The following ZIM2 variants were observed in gnomAD, a reference collection of about 807,000 sequenced individuals.
ZIM2 encodes zinc finger imprinted 2, also known as zinc finger protein 656.
Under a neutral mutation model 38.6 loss-of-function variants are expected in ZIM2, and 14 were observed. The ratio of observed to expected loss-of-function variants is 0.36; its 90% confidence interval spans 0.24 to 0.57. ZIM2 has a LOEUF of 0.57. Ranked by LOEUF, ZIM2 falls within the 20% of genes least tolerant of loss-of-function variation. The pLI, the probability that ZIM2 is intolerant of heterozygous loss-of-function variation, is 0.81. For synonymous variants in ZIM2, 247 were observed against 245.8 expected, an observed-to-expected ratio of 1.00 and a Z score of -0.04; for missense variants, 680 against 695.1, an observed-to-expected ratio of 0.98 and a Z score of 0.24.
chr19:56,796,042 A>T (rs1347170632), intron 9 of ZIM2, among the ~76,000 whole-genome samples: 1 of 152,186 alleles, frequency 6.6e-6, no homozygotes, highest in African/African-American at 2.4e-5. Context: ...TTTTACCCCC[A>T]AAACATACGT....
chr19:56,825,418 C>G (rs984327142), intron 3 of ZIM2, among the ~76,000 whole-genome samples: 2 of 152,242 alleles, frequency 1.3e-5, no homozygotes, highest in Non-Finnish European at 2.9e-5. Context: ...TCTAATCTGT[C>G]TAAAAGAACC....
rs146726213 is a variant in ZIM2, at chr19:56,775,370, G to A, written c.995C>T (p.Pro332Leu). 2,766 of 1,614,122 alleles carry A rather than the reference G, an allele frequency of 1.7e-3. 33 individuals carry two copies. The highest frequency in any genetic ancestry group is 0.016 in the South Asian group (1,492 of 91,064). ...SSNLSKQSKD[P>L]LGKDPQEGTA... ...GCCTTCCTGGGGATCCTTTCCTAGA[G>A]GATCCTTTGATTGTTTACTAAGATT... Residue 332 changes from proline to leucine, a missense_variant, in exon 13 of 13, where the codon CCT becomes CTT. By Grantham distance (98) the Pro-to-Leu change is moderately conservative. Transcript: ENST00000629319.
intron 10 of ZIM2, among the ~76,000 whole-genome samples, chr19:56,786,334 G>A (rs2046602993): frequency 6.6e-6 from 1 of 152,098 alleles, no homozygotes; most frequent in Admixed American, 6.5e-5. Flanking sequence ...CAATTGCTCT[G>A]TGACTTTTTG....
At position 56,817,795 on chromosome 19, in the gene ZIM2, C is replaced by T. The variant is rs1225947210; in HGVS notation, c.441G>A (p.Gln147=). 1.2e-6 allele frequency: 2 copies of T among 1,613,998 alleles called. No individual in the cohort carries two copies. Among genetic ancestry groups the T allele is most frequent in the African/African-American group, 2.7e-5 (2 of 74,906 alleles). The change falls in exon 9 of 13, where the codon CAG becomes CAA. Residue 147 remains glutamine (Q), a synonymous_variant. Transcript: ENST00000629319. The stretch of plus-strand genomic sequence containing the variant: ...TTCTCTTGGATCTTGATGAGTGGCC[C>T]TGCGTCATGTGGGAGTGGCCATCGT... ...AEDDGHSHMT[Q]GHSSRSKRSA... is the part of the protein sequence containing the mutation.
chr19:56,795,051 CTTTTCTTTT>C (rs1326458921), intron 9 of ZIM2, among the ~76,000 whole-genome samples: 5 of 149,240 alleles, frequency 3.4e-5, no homozygotes, highest in South Asian at 4.2e-4. Context: ...TCTTTTTTTT[CTTTTCTTTT>C]TTTTCTTTTT....
chr19:56,803,879 A>G (rs1182224584), intron 9 of ZIM2, among the ~76,000 whole-genome samples: 5 of 152,230 alleles, frequency 3.3e-5, no homozygotes, highest in Admixed American at 6.5e-5. Context: ...GGGTTATACC[A>G]AAAATCCTGA....
intron 9 of ZIM2, chr19:56,817,483 T>C (rs751539114): frequency 6.2e-7 from 1 of 1,612,432 alleles, no homozygotes; most frequent in Admixed American, 1.7e-5. Context: ...TGACACATCC[T>C]TGATGAATTT....
At chr19:56,816,699 G>C (rs771837389) in intron 9 of ZIM2, 1 of 1,614,072 alleles carries the variant, frequency 6.2e-7, no homozygotes, top group South Asian at 1.1e-5. Flanking sequence ...GGATTTTCTG[G>C]TGCTCAATCA....
At chr19:56,792,530 C>CAAA (rs1215431208) in intron 9 of ZIM2, among the ~76,000 whole-genome samples, 7 of 20,920 alleles carry the variant, frequency 3.3e-4, no homozygotes, top group Non-Finnish European at 4.9e-4. Context: ...GACTCTGTCT[C>CAAA]AAAAAAAAAA....
intron 9 of ZIM2, among the ~76,000 whole-genome samples, chr19:56,802,298 A>G (rs2047561381): frequency 6.6e-6 from 1 of 152,150 alleles, no homozygotes; most frequent in Non-Finnish European, 1.5e-5. Context: ...CTCAAGGATA[A>G]AATTACCCAC....
chr19:56,795,412 G>C (rs571201964), intron 9 of ZIM2, among the ~76,000 whole-genome samples: 1 of 152,344 alleles, frequency 6.6e-6, no homozygotes, highest in African/African-American at 2.4e-5. Flanking sequence ...CCAGGCCCCT[G>C]GCTGGGCTAC....
At chr19:56,824,536 A>G (rs1442027576) in intron 3 of ZIM2, 109 bp from the exon 4 acceptor site, 1 of 1,614,186 alleles carries the variant, frequency 6.2e-7, no homozygotes, top group Non-Finnish European at 8.5e-7. Context: ...ACTCAGAGTC[A>G]GTTGGACCTT....
chr19:56,779,330 T>G (rs2046197497), intron 12 of ZIM2, 47 bp downstream of exon 12: 2 of 1,600,212 alleles, frequency 1.2e-6, no homozygotes, highest in African/African-American at 1.3e-5. Flanking sequence ...TGACTAGCAT[T>G]TACTGGTTCC....
Position 56,774,916 on chromosome 19 carries a change from A to G in ZIM2, c.1449T>C (p.Ile483=). ...CGTAGTCATGTTTCCGCTGATAACG[A>G]ATTAAGTATGTCTTGCTGTGGGACA... ...PGLSHSKTYL[I]RYQRKHDYVG... Residue 483 remains isoleucine (I), a synonymous_variant, in exon 13 of 13, where the codon ATT becomes ATC. Coordinates refer to ENST00000629319, the MANE Select transcript of ZIM2 (RefSeq NM_001387356.1). 1 of 1,614,164 alleles carries G rather than the reference A, an allele frequency of 6.2e-7. No homozygotes were observed. Among genetic ancestry groups the G allele is most frequent in the Non-Finnish European group, 8.5e-7 (1 of 1,180,018 alleles).
At chr19:56,824,222 A>G (rs2060795215) in intron 4 of ZIM2, 40 bp downstream of exon 4, 2 of 1,592,614 alleles carry the variant, frequency 1.3e-6, no homozygotes, top group South Asian at 2.3e-5. Context: ...GGGACACCTG[A>G]GGCCTGCACT....
chr19:56,817,805 T>G lies in ZIM2; in HGVS notation c.431A>C (p.His144Pro). ...TCTTGATGAGTGGCCCTGCGTCATG[T>G]GGGAGTGGCCATCGTCTTCAGCAAG... ...VQLAEDDGHS[H>P]MTQGHSSRSK... The change falls in exon 9 of 13, where the codon CAC becomes CCC. Residue 144 changes from histidine to proline, a missense_variant. Transcript: ENST00000629319. The G allele has an allele frequency of 2.5e-6, 4 of 1,614,152 alleles. No homozygotes were observed. The highest frequency in any genetic ancestry group is 2.5e-6 in the Non-Finnish European group (3 of 1,180,030).
At chr19:56,782,426 C>A (rs1006192455) in intron 10 of ZIM2, 4 of 469,222 alleles carry the variant, frequency 8.5e-6, no homozygotes, top group African/African-American at 7.9e-5. Context: ...AGAGTCCTGG[C>A]TCTGGTTCTT....
intron 11 of ZIM2, among the ~76,000 whole-genome samples, chr19:56,780,782 CG>C (rs2046296150): frequency 1.3e-5 from 2 of 152,114 alleles, no homozygotes; most frequent in Non-Finnish European, 2.9e-5. Context: ...ATATTCTCTA[CG>C]TGATACCATC....
intron 6 of ZIM2, 26 bp from the exon 7 acceptor site, chr19:56,821,780 G>A: frequency 6.2e-7 from 1 of 1,612,442 alleles, no homozygotes; most frequent in Non-Finnish European, 8.5e-7. Context: ...GCATCAACAA[G>A]AAGCAGGGCC....
Sources: gnomAD v4.1 joint callset for allele counts (sites outside exome capture counted in the v4.1 genomes callset) on GRCh38, gnomAD v4.1.1 for gene constraint, MANE v1.5 for transcripts, NCBI Gene and HGNC (gene_info 2026-07-23, HGNC 2026-07-21) for gene names.